The following CDA variants were observed in gnomAD, a reference collection of about 807,000 sequenced individuals.
The protein encoded by CDA is cytidine aminohydrolase.
Under a neutral mutation model 15.0 loss-of-function variants are expected in CDA, and 7 were observed. That is an observed-to-expected ratio of 0.47 (90% CI 0.26 to 0.87). The LOEUF (loss-of-function observed/expected upper bound fraction) is 0.87, where lower values mean the gene tolerates loss of function less well. Among genes scored for constraint, CDA ranks in the 40% least tolerant of loss-of-function variants. The pLI is 0.15. For synonymous variants in CDA, 58 were observed against 73.0 expected (o/e 0.79, Z 1.05); for missense variants, 159 against 182.7 (o/e 0.87, Z 0.75).
At chr1:20,602,400 C>T (rs910601266) in intron 1 of CDA, among the ~76,000 whole-genome samples, 1 of 151,278 alleles carries the variant, frequency 6.6e-6, no homozygotes. Context: ...TGACACACAT[C>T]ATCACACCCA....
At chr1:20,615,905 T>C (rs1174739096) in intron 3 of CDA, among the ~76,000 whole-genome samples, 1 of 152,064 alleles carries the variant, frequency 6.6e-6, no homozygotes, top group Non-Finnish European at 1.5e-5. Context: ...GAGGCTGAGG[T>C]AGGAGGATCA....
At chr1:20,597,420 G>A (rs552471417) in intron 1 of CDA, among the ~76,000 whole-genome samples, 23 of 152,296 alleles carry the variant, frequency 1.5e-4, no homozygotes, top group Non-Finnish European at 2.8e-4. Context: ...CAGGCTGGGC[G>A]ACAGAGCGAG....
intron 1 of CDA, among the ~76,000 whole-genome samples, chr1:20,599,894 G>A (rs2052626358): frequency 6.6e-6 from 1 of 152,128 alleles, no homozygotes; most frequent in Non-Finnish European, 1.5e-5. Flanking sequence ...GGACTATGAG[G>A]GAGATTCTAT....
At chr1:20,615,515 G>T (rs1176802155) in intron 3 of CDA, among the ~76,000 whole-genome samples, 1 of 146,920 alleles carries the variant, frequency 6.8e-6, no homozygotes, top group Non-Finnish European at 1.5e-5. Context: ...AAATGAAAAC[G>T]AAGGGATAGT....
In CDA at chr1:20,613,996, G is replaced by T. The variant is rs6676236; in HGVS notation, c.324+97G>T. 3.0e-5 allele frequency: 33 copies of T among 1,095,650 alleles called. No homozygotes were observed. The South Asian group carries it at 4.2e-4, about 14-fold the overall frequency. The allele number at this position is 1,095,650 out of a possible 1,614,324, so 67.9% of individuals were successfully genotyped here. ...TGCAGGCATGGCAGGCATGGCAGGC[G>T]TGGAGACACAGCTACTGTCCTGTTT... On this transcript the variant is annotated intron_variant, in intron 3 of 3. Transcript: ENST00000375071.
At chr1:20,600,530 C>T (rs916698982) in intron 1 of CDA, among the ~76,000 whole-genome samples, 7 of 151,870 alleles carry the variant, frequency 4.6e-5, no homozygotes, top group African/African-American at 1.2e-4. Context: ...CCGAGCTGGG[C>T]GGATCACTTG....
At chr1:20,611,727 G>A (rs1035685832) in intron 2 of CDA, among the ~76,000 whole-genome samples, 1 of 152,238 alleles carries the variant, frequency 6.6e-6, no homozygotes, top group East Asian at 1.9e-4. Context: ...AGAGCTGGAG[G>A]TCTGCCTGTA....
At chr1:20,594,808 A>G (rs551142469) in intron 1 of CDA, among the ~76,000 whole-genome samples, 1 of 151,210 alleles carries the variant, frequency 6.6e-6, no homozygotes, top group South Asian at 2.1e-4. Context: ...AAAAAGAAAG[A>G]AAGATAAAAG....
intron 1 of CDA, among the ~76,000 whole-genome samples, chr1:20,594,147 C>A (rs966854709): frequency 3.9e-5 from 6 of 152,226 alleles, no homozygotes; most frequent in African/African-American, 1.4e-4. Flanking sequence ...AGGCTTCCCC[C>A]TCCAAGGCAG....
At chr1:20,601,486 T>C (rs1392047911) in intron 1 of CDA, among the ~76,000 whole-genome samples, 1 of 152,228 alleles carries the variant, frequency 6.6e-6, no homozygotes, top group East Asian at 1.9e-4. Context: ...TGGTGCTCAG[T>C]ATACAAGCCT....
chr1:20,596,557 A>G (rs1179587024), intron 1 of CDA, among the ~76,000 whole-genome samples: 3 of 152,114 alleles, frequency 2.0e-5, no homozygotes, highest in Non-Finnish European at 2.9e-5. Flanking sequence ...GTCTCTAAAA[A>G]ATATAAAAAT....
chr1:20,598,760 GC>G (rs2052611673), intron 1 of CDA, among the ~76,000 whole-genome samples: 1 of 152,130 alleles, frequency 6.6e-6, no homozygotes, highest in Admixed American at 6.5e-5. Flanking sequence ...TCTCACAAAT[GC>G]CCCACCTCCT....
intron 3 of CDA, 34 bp from the exon 4 acceptor site, chr1:20,618,418 T>C: frequency 4.6e-6 from 6 of 1,306,268 alleles, no homozygotes; most frequent in Non-Finnish European, 6.6e-6. Flanking sequence ...TCAGCCACGC[T>C]GTGTCTCTCA....
intron 1 of CDA, among the ~76,000 whole-genome samples, chr1:20,602,195 G>A (rs1363612178): frequency 6.6e-6 from 1 of 151,772 alleles, no homozygotes; most frequent in Non-Finnish European, 1.5e-5. Flanking sequence ...CTAAGTTGAT[G>A]AAATCAATAA....
At chr1:20,616,336 AG>A (rs2052802202) in intron 3 of CDA, among the ~76,000 whole-genome samples, 1 of 152,092 alleles carries the variant, frequency 6.6e-6, no homozygotes, top group South Asian at 2.1e-4. Context: ...TTTGGGAGAA[AG>A]GGGGTTGTTT....
intron 1 of CDA, among the ~76,000 whole-genome samples, chr1:20,600,948 A>C (rs1219129212): frequency 1.3e-5 from 2 of 152,048 alleles, no homozygotes; most frequent in East Asian, 3.9e-4. Context: ...AAATAAACAA[A>C]AGCTCTCAGG....
intron 1 of CDA, among the ~76,000 whole-genome samples, chr1:20,596,275 G>A (rs1159816063): frequency 1.3e-5 from 2 of 152,216 alleles, no homozygotes; most frequent in Non-Finnish European, 2.9e-5. Flanking sequence ...GGAACATGGA[G>A]AGAGTGTCGT....
intron 2 of CDA, among the ~76,000 whole-genome samples, chr1:20,605,271 T>C (rs1371191692): frequency 1.3e-5 from 2 of 152,050 alleles, no homozygotes; most frequent in African/African-American, 4.8e-5. Context: ...GCAACTCTCA[T>C]ACAAGGGCCA....
chr1:20,602,738 G>T (rs377265209), intron 1 of CDA, among the ~76,000 whole-genome samples: 1 of 152,118 alleles, frequency 6.6e-6, no homozygotes, highest in Non-Finnish European at 1.5e-5. Context: ...TGTTTTTATA[G>T]GCCAGGCTTG....
Sources: allele counts gnomAD v4.1 joint callset (sites outside exome capture counted in the v4.1 genomes callset), GRCh38; gene constraint gnomAD v4.1.1; transcripts MANE v1.5; gene names NCBI Gene and HGNC (gene_info 2026-07-23, HGNC 2026-07-21).